KCNQ1OT1: variants seen among roughly 807,000 people sequenced by gnomAD.
KCNQ1OT1 encodes the protein KCNQ1 opposite strand/antisense transcript 1.
chr11:2,669,563 C>G lies in KCNQ1OT1; in HGVS notation n.30432G>C. 2.5e-6 allele frequency: 1 copy of G among 398,620 alleles called. No individual in the cohort carries two copies. The allele number at this position is 398,620 out of a possible 1,614,324, so 24.7% of individuals were successfully genotyped here. A position where few individuals can be genotyped will look rare whatever the true frequency, so the allele number is the denominator to read the frequency against. Reference sequence around the variant, plus strand: ...GACAAGGTCTGTCAGGGAGCCCTGGCCAGCTTGGGTCATTTCATCCTGCCC... The same window carrying G: ...GACAAGGTCTGTCAGGGAGCCCTGGGCAGCTTGGGTCATTTCATCCTGCCC... On this transcript the variant is annotated non_coding_transcript_exon_variant, in exon 1 of 1. Transcript: ENST00000597346. This position sits in a 1 kb window ranked among gnomAD's most constrained non-coding sequence, Gnocchi z 5.6.
In KCNQ1OT1 at chr11:2,612,260, A is replaced by G. The variant is rs1420639103; in HGVS notation, n.87735T>C. On this transcript the variant is annotated non_coding_transcript_exon_variant, in exon 1 of 1. Coordinates refer to ENST00000597346, the Ensembl canonical transcript of KCNQ1OT1. The surrounding 1 kb of genome is among the most constrained non-coding windows in gnomAD (Gnocchi z 5.5). ...TAGATTCTCACAGAGAGCAAATCCT[A>G]TTGTGAACTGAGCATGTGAGGGATC... 1.0e-5 allele frequency: 4 copies of G among 398,496 alleles called. No homozygotes were observed. Among genetic ancestry groups the G allele is most frequent in the Admixed American group, 4.4e-5 (1 of 22,720 alleles). 24.7% of individuals were successfully genotyped at this position (398,496 alleles called of 1,614,324 possible).
exon 1 of KCNQ1OT1, chr11:2,649,061 A>C (rs1365902489): frequency 2.7e-6 from 1 of 363,850 alleles, no homozygotes; most frequent in Non-Finnish European, 4.6e-6. Flanking sequence ...GTTTGTGTGG[A>C]ATATCTTTTT....
At chr11:2,688,604 C>T in exon 1 of KCNQ1OT1, 1 of 398,700 alleles carries the variant, frequency 2.5e-6, no homozygotes, top group Non-Finnish European at 4.4e-6. Flanking sequence ...GCCAGGCACT[C>T]ATCTTGTGCT....
rs938328728 is a variant in KCNQ1OT1, at chr11:2,691,235, T to C, written n.8760A>G. On this transcript the variant is annotated non_coding_transcript_exon_variant, in exon 1 of 1. Coordinates refer to ENST00000597346, the Ensembl canonical transcript of KCNQ1OT1. The surrounding 1 kb of genome is among the most constrained non-coding windows in gnomAD (Gnocchi z 6.4). ...AGTGGAGGAGTTAGAGGATCTGCAGTTAACCCCTTGAGTCTCGGAAGGCTG... is the reference window on the plus strand; with the variant it reads ...AGTGGAGGAGTTAGAGGATCTGCAGCTAACCCCTTGAGTCTCGGAAGGCTG... 13 of 398,474 alleles carry C rather than the reference T, an allele frequency of 3.3e-5. No individual in the cohort carries two copies. Among genetic ancestry groups the C allele is most frequent in the Non-Finnish European group, 5.7e-5 (13 of 226,090 alleles). The allele number at this position is 398,474 out of a possible 1,614,324, so 24.7% of individuals were successfully genotyped here. A position where few individuals can be genotyped will look rare whatever the true frequency, so the allele number is the denominator to read the frequency against.
At chr11:2,667,716 C>A in exon 1 of KCNQ1OT1, 2 of 398,702 alleles carry the variant, frequency 5.0e-6, no homozygotes, top group East Asian at 3.6e-5. Flanking sequence ...GTCTGGAAGC[C>A]GTGTCCCCTT....
exon 1 of KCNQ1OT1, chr11:2,630,714 T>C: frequency 2.5e-6 from 1 of 398,478 alleles, no homozygotes; most frequent in Non-Finnish European, 4.4e-6. Context: ...CTAATTATCA[T>C]CCTTCCATTT....
exon 1 of KCNQ1OT1, chr11:2,637,180 C>T (rs1333295063): frequency 6.6e-6 from 1 of 151,706 alleles, no homozygotes; most frequent in Non-Finnish European, 1.5e-5. Context: ...TCTCTATCTC[C>T]TTCAATTCTT....
At position 2,679,886 on chromosome 11, in the gene KCNQ1OT1, AT is replaced by A. The variant is rs144309171; in HGVS notation, n.20108del. 0.015 allele frequency: 5,829 copies of A among 379,838 alleles called. 197 individuals carry two copies. The highest frequency in any genetic ancestry group is 0.1 in the East Asian group (2,684 of 26,892). 23.5% of individuals were successfully genotyped at this position (379,838 alleles called of 1,614,324 possible). Reference sequence around the variant, plus strand: ...TATAAACTTAGAACTAGCACGCCTAATTTTTTTTTTATTTTTATTTTTTTTG... The same window carrying A: ...TATAAACTTAGAACTAGCACGCCTAATTTTTTTTTATTTTTATTTTTTTTG... On this transcript the variant is annotated non_coding_transcript_exon_variant, in exon 1 of 1. Transcript: ENST00000597346. This position sits in a 1 kb window ranked among gnomAD's most constrained non-coding sequence, Gnocchi z 4.8.
chr11:2,695,685 C>G lies in KCNQ1OT1; in HGVS notation n.4310G>C, dbSNP rs1004704573. On this transcript the variant is annotated non_coding_transcript_exon_variant, in exon 1 of 1. Coordinates refer to ENST00000597346, the Ensembl canonical transcript of KCNQ1OT1. This position sits in a 1 kb window ranked among gnomAD's most constrained non-coding sequence, Gnocchi z 5.2. The stretch of plus-strand genomic sequence containing the variant: ...TTTGAGGAAGAAGTGTTGGCCAGCT[C>G]TTCAGAACGTCTGTGCCTGTCTCCG... 2.5e-6 allele frequency: 1 copy of G among 398,544 alleles called. No homozygotes were observed. Among genetic ancestry groups the G allele is most frequent in the African/African-American group, 2.1e-5 (1 of 48,630 alleles). The allele number at this position is 398,544 out of a possible 1,614,324, so 24.7% of individuals were successfully genotyped here. A position where few individuals can be genotyped will look rare whatever the true frequency, so the allele number is the denominator to read the frequency against.
chr11:2,619,909 T>C (rs1313127380), exon 1 of KCNQ1OT1: 1 of 398,298 alleles, frequency 2.5e-6, no homozygotes, highest in Non-Finnish European at 4.4e-6. Flanking sequence ...ATATGTTGCA[T>C]GGTATATGGA....
rs1328280238 is a variant in KCNQ1OT1, at chr11:2,620,227, T to A, written n.79768A>T. 6 of 267,486 alleles carry A rather than the reference T, an allele frequency of 2.2e-5. No homozygotes were observed. The highest frequency in any genetic ancestry group is 6.8e-5 in the African/African-American group (3 of 43,994). 16.6% of individuals were successfully genotyped at this position (267,486 alleles called of 1,614,324 possible). A position where few individuals can be genotyped will look rare whatever the true frequency, so the allele number is the denominator to read the frequency against. On this transcript the variant is annotated non_coding_transcript_exon_variant, in exon 1 of 1. Coordinates refer to ENST00000597346, the Ensembl canonical transcript of KCNQ1OT1. This position sits in a 1 kb window ranked among gnomAD's most constrained non-coding sequence, Gnocchi z 4.5. ...TATATATATATTTTTTTTTTTTATT[T>A]TTTTTTTAGACGGAGTTTCGCTCTT...
In KCNQ1OT1 at chr11:2,625,575, GCC is replaced by G; in HGVS notation, n.74418_74419del. ...GGAGATACGTCTGTCCAAGTCCTTT[GCC>G]CTTTTTTTTTTTTTTTTGAGATGGA... On this transcript the variant is annotated non_coding_transcript_exon_variant, in exon 1 of 1. Coordinates refer to ENST00000597346, the Ensembl canonical transcript of KCNQ1OT1. 8.5e-6 allele frequency: 3 copies of G among 354,926 alleles called. No homozygotes were observed. The East Asian group carries it at 1.2e-4, about 14-fold the overall frequency. 22.0% of individuals were successfully genotyped at this position (354,926 alleles called of 1,614,324 possible).
At position 2,687,865 on chromosome 11, in the gene KCNQ1OT1, C is replaced by T. The variant is rs545088059; in HGVS notation, n.12130G>A. 1.0e-5 allele frequency: 4 copies of T among 398,750 alleles called. No individual in the cohort carries two copies. Among genetic ancestry groups the T allele is most frequent in the African/African-American group, 8.2e-5 (4 of 48,774 alleles). 24.7% of individuals were successfully genotyped at this position (398,750 alleles called of 1,614,324 possible). A position where few individuals can be genotyped will look rare whatever the true frequency, so the allele number is the denominator to read the frequency against. On this transcript the variant is annotated non_coding_transcript_exon_variant, in exon 1 of 1. Transcript: ENST00000597346. This position sits in a 1 kb window ranked among gnomAD's most constrained non-coding sequence, Gnocchi z 5.0. ...TCTGGTTCCTGAGGAGCCTCAAAGG[C>T]TGGACTTGGGGTGTCCCGCGGAAAT...
Position 2,657,863 on chromosome 11 carries a change from T to C in KCNQ1OT1, n.42132A>G, listed in dbSNP as rs1358256430. 1 of 398,476 alleles carries C rather than the reference T, an allele frequency of 2.5e-6. No individual in the cohort carries two copies. The highest frequency in any genetic ancestry group is 4.4e-6 in the Non-Finnish European group (1 of 226,052). The allele number at this position is 398,476 out of a possible 1,614,324, so 24.7% of individuals were successfully genotyped here. A position where few individuals can be genotyped will look rare whatever the true frequency, so the allele number is the denominator to read the frequency against. ...CAGGACTAGACCAGGGTTATAGGTT[T>C]AGGGGAAGGAGGCCAGTGAGGTGAG... On this transcript the variant is annotated non_coding_transcript_exon_variant, in exon 1 of 1. Transcript: ENST00000597346. The surrounding 1 kb of genome is among the most constrained non-coding windows in gnomAD (Gnocchi z 4.8).
rs1849677516 is a variant in KCNQ1OT1, at chr11:2,647,059, G to C, written n.52936C>G. On this transcript the variant is annotated non_coding_transcript_exon_variant, in exon 1 of 1. Coordinates refer to ENST00000597346, the Ensembl canonical transcript of KCNQ1OT1. The surrounding 1 kb of genome is among the most constrained non-coding windows in gnomAD (Gnocchi z 4.0). ...TAGTGAAAGTGGGCATCCTTGTCTT[G>C]TTCTAGTTCTAAGAGAGAAGGTGTT... is the stretch of plus-strand genomic sequence containing the variant. 2.5e-6 allele frequency: 1 copy of C among 398,424 alleles called. No individual in the cohort carries two copies. Among genetic ancestry groups the C allele is most frequent in the Admixed American group, 4.4e-5 (1 of 22,708 alleles). The allele number at this position is 398,424 out of a possible 1,614,324, so 24.7% of individuals were successfully genotyped here. A position where few individuals can be genotyped will look rare whatever the true frequency, so the allele number is the denominator to read the frequency against.
exon 1 of KCNQ1OT1, chr11:2,699,770 A>G: frequency 2.7e-6 from 1 of 370,226 alleles, no homozygotes; most frequent in Non-Finnish European, 4.7e-6. Flanking sequence ...CGCGCTGAGG[A>G]GCCCCGAGGA....
chr11:2,690,532 G>A lies in KCNQ1OT1; in HGVS notation n.9463C>T, dbSNP rs146060299. The A allele has an allele frequency of 9.0e-4, 357 of 398,690 alleles. 1 individual carries two copies. The highest frequency in any genetic ancestry group is 6.0e-3 in the African/African-American group (291 of 48,760). The allele number at this position is 398,690 out of a possible 1,614,324, so 24.7% of individuals were successfully genotyped here. A position where few individuals can be genotyped will look rare whatever the true frequency, so the allele number is the denominator to read the frequency against. ...CACCTATCACAAAGAAAGTGCCACT[G>A]GGCCTAGGGAAGGACAAGAAGTAAC... On this transcript the variant is annotated non_coding_transcript_exon_variant, in exon 1 of 1. Coordinates refer to ENST00000597346, the Ensembl canonical transcript of KCNQ1OT1. The surrounding 1 kb of genome is among the most constrained non-coding windows in gnomAD (Gnocchi z 5.1).
chr11:2,661,793 A>G lies in KCNQ1OT1; in HGVS notation n.38202T>C. The G allele has an allele frequency of 1.3e-6, 1 of 767,222 alleles. No individual in the cohort carries two copies. Among genetic ancestry groups the G allele is most frequent in the Non-Finnish European group, 2.2e-6 (1 of 457,278 alleles). The allele number at this position is 767,222 out of a possible 1,614,324, so 47.5% of individuals were successfully genotyped here. A position where few individuals can be genotyped will look rare whatever the true frequency, so the allele number is the denominator to read the frequency against. ...GTGTCAGGCACTTTGGGGCCATCTT[A>G]AACACCCACCCACCCCAACACCCAA... On this transcript the variant is annotated non_coding_transcript_exon_variant, in exon 1 of 1. Coordinates refer to ENST00000597346, the Ensembl canonical transcript of KCNQ1OT1. This position sits in a 1 kb window ranked among gnomAD's most constrained non-coding sequence, Gnocchi z 5.9.
rs1221367269 is a variant in KCNQ1OT1, at chr11:2,678,071, A to T, written n.21924T>A. On this transcript the variant is annotated non_coding_transcript_exon_variant, in exon 1 of 1. Coordinates refer to ENST00000597346, the Ensembl canonical transcript of KCNQ1OT1. This position sits in a 1 kb window ranked among gnomAD's most constrained non-coding sequence, Gnocchi z 4.9. ...CTTCATACCCTTTGGACTTTGTAAA[A>T]TACCTTGTCTTACTGATTTGTAGAA... The T allele has an allele frequency of 5.0e-6, 2 of 398,400 alleles. No individual in the cohort carries two copies. The highest frequency in any genetic ancestry group is 7.1e-5 in the East Asian group (2 of 28,012). The allele number at this position is 398,400 out of a possible 1,614,324, so 24.7% of individuals were successfully genotyped here.
Sources: allele counts gnomAD v4.1 joint callset, GRCh38; gene constraint gnomAD v4.1.1; non-coding constraint Gnocchi (gnomAD v3.1); transcripts MANE v1.5; gene names NCBI Gene and HGNC (gene_info 2026-07-23, HGNC 2026-07-21).